Variants in FARP2 observed in about 807,000 individuals in gnomAD.
The protein encoded by FARP2 is FERM, ARH/RhoGEF and pleckstrin domain protein 2, also known as FERM, ARHGEF and pleckstrin domain-containing protein 2.
In FARP2, 111 loss-of-function variants were observed where a neutral mutation model predicts 130.5. The ratio of observed to expected loss-of-function variants is 0.85; its 90% CI spans 0.73 to 1.00. The LOEUF (loss-of-function observed/expected upper bound fraction) is 1.00, where lower values mean the gene tolerates loss of function less well. Ranked by LOEUF, FARP2 falls within the 50% of genes least tolerant of loss-of-function variation. FARP2 has a pLI of 0.00. For missense variants in FARP2, 1,385 were observed against 1,346.3 expected (o/e 1.03, Z -0.45); for synonymous variants, 504 against 516.9 (o/e 0.98, Z 0.34).
intron 21 of FARP2, among the ~76,000 whole-genome samples, chr2:241,485,532 T>C (rs1477521944): frequency 6.6e-6 from 1 of 150,996 alleles, no homozygotes; most frequent in Non-Finnish European, 1.5e-5. Flanking sequence ...CTCCCCTTCC[T>C]GGGATCTTCC....
At chr2:241,458,372 T>C (rs1559791259) in intron 14 of FARP2, among the ~76,000 whole-genome samples, 1 of 152,134 alleles carries the variant, frequency 6.6e-6, no homozygotes, top group Non-Finnish European at 1.5e-5. Context: ...CCAGAGGATA[T>C]TCTGTCCAAG....
chr2:241,441,908 C>T (rs1175039654), intron 13 of FARP2: 1 of 386,412 alleles, frequency 2.6e-6, no homozygotes, highest in African/African-American at 2.1e-5. Flanking sequence ...TCTCAGGCCT[C>T]TGCCCAGCCT....
intron 1 of FARP2, chr2:241,372,512 G>T (rs536914986): frequency 1.3e-5 from 2 of 152,332 alleles, no homozygotes; most frequent in African/African-American, 4.8e-5. Context: ...TTCCTCAGCT[G>T]GAGTAGCCCT....
chr2:241,474,844 A>G (rs2124851901), intron 18 of FARP2, among the ~76,000 whole-genome samples: 1 of 139,888 alleles, frequency 7.1e-6, no homozygotes, highest in Non-Finnish European at 1.6e-5. Flanking sequence ...AATAAAAAGA[A>G]AGAAGGGGGA....
At chr2:241,489,715 T>C (rs1013149391) in intron 21 of FARP2, 1 of 353,518 alleles carries the variant, frequency 2.8e-6, no homozygotes, top group Non-Finnish European at 5.1e-6. Flanking sequence ...TTTCAGCTAA[T>C]AGTGCTGGAC....
At chr2:241,486,442 A>ACACT (rs1211995161) in intron 21 of FARP2, among the ~76,000 whole-genome samples, 2 of 124,692 alleles carry the variant, frequency 1.6e-5, no homozygotes, top group East Asian at 5.4e-4. Flanking sequence ...AGCCCCAGTG[A>ACACT]CAGAGTGAGA....
At chr2:241,487,765 T>TTTTTTC (rs2064792947) in intron 21 of FARP2, among the ~76,000 whole-genome samples, 2 of 138,372 alleles carry the variant, frequency 1.4e-5, no homozygotes, top group Non-Finnish European at 3.1e-5. Context: ...TTTTTTTTTT[T>TTTTTTC]TTGAGATGGA....
At chr2:241,489,785 C>T (rs769978219) in intron 21 of FARP2, 177 bp from the exon 22 acceptor site, 26 of 550,004 alleles carry the variant, frequency 4.7e-5, no homozygotes, top group Non-Finnish European at 7.8e-5. Context: ...GTGCAGCTGC[C>T]ATGGCGCAGG....
intron 1 of FARP2, among the ~76,000 whole-genome samples, chr2:241,372,040 A>G (rs1575463469): frequency 6.6e-6 from 1 of 152,168 alleles, no homozygotes; most frequent in East Asian, 1.9e-4. Context: ...TATATACCCA[A>G]TTTGAATGGA....
intron 1 of FARP2, among the ~76,000 whole-genome samples, chr2:241,361,103 T>C (rs1171600376): frequency 6.6e-6 from 1 of 151,926 alleles, no homozygotes; most frequent in African/African-American, 2.4e-5. Flanking sequence ...GTAACTGATC[T>C]ATTCGCTTAT....
chr2:241,394,276 T>G (rs905400049), intron 2 of FARP2, among the ~76,000 whole-genome samples: 1 of 152,174 alleles, frequency 6.6e-6, no homozygotes, highest in African/African-American at 2.4e-5. Context: ...CCCAGCACTT[T>G]GGGAGGCCGA....
intron 19 of FARP2, among the ~76,000 whole-genome samples, chr2:241,483,197 G>C (rs543681978): frequency 3.3e-5 from 5 of 152,260 alleles, no homozygotes; most frequent in Non-Finnish European, 5.9e-5. Context: ...CCTCTTGGTT[G>C]TATCAGGGCT....
intron 21 of FARP2, among the ~76,000 whole-genome samples, chr2:241,485,018 G>A (rs1461248512): frequency 6.6e-6 from 1 of 152,086 alleles, no homozygotes; most frequent in South Asian, 2.1e-4. Flanking sequence ...CCAAGGACAG[G>A]GGCTCTAATC....
In FARP2 at chr2:241,456,828, T is replaced by C. The variant is rs1228457044; in HGVS notation, c.1493T>C (p.Leu498Ser). ...CTGAGCCCTGCATTTCAGGTGCCTT[T>C]GGGCCCAGCTGAACAGGGCTCATCC... ...LSLSPAFQVP[L>S]GPAEQGSSPL... The change falls in exon 14 of 27, where the codon TTG (leucine) becomes TCG (serine). Residue 498 changes from leucine to serine, a missense_variant. Physicochemically the swap from Leu to Ser is moderately radical, Grantham distance 145 (BLOSUM62 -2). Coordinates refer to ENST00000264042, the MANE Select transcript of FARP2 (RefSeq NM_014808.4). 12 of 1,613,934 alleles carry C rather than the reference T, an allele frequency of 7.4e-6. No individual in the cohort carries two copies. The East Asian group carries it at 2.5e-4, about 33-fold the overall frequency.
chr2:241,365,628 A>G (rs980430176), intron 1 of FARP2, among the ~76,000 whole-genome samples: 3 of 152,172 alleles, frequency 2.0e-5, no homozygotes, highest in African/African-American at 7.2e-5. Flanking sequence ...CCAAAGAGAC[A>G]AGGTCATTTC....
At chr2:241,458,245 G>C (rs542981542) in intron 14 of FARP2, among the ~76,000 whole-genome samples, 42 of 152,168 alleles carry the variant, frequency 2.8e-4, no homozygotes, top group Non-Finnish European at 5.6e-4. Flanking sequence ...TGGGGTCCCT[G>C]AGTGGCAGCT....
Position 241,494,098 on chromosome 2 carries a change from G to A in FARP2, c.3138G>A (p.Glu1046=), listed in dbSNP as rs144436834. 338 of 1,475,322 alleles carry A rather than the reference G, an allele frequency of 2.3e-4. 1 individual carries two copies. The highest frequency in any genetic ancestry group is 1.8e-3 in the Middle Eastern group (10 of 5,648). 91.4% of individuals were successfully genotyped at this position (1,475,322 alleles called of 1,614,324 possible). A position where few individuals can be genotyped will look rare whatever the true frequency, so the allele number is the denominator to read the frequency against. Residue 1046 remains glutamate (E), a synonymous_variant, in exon 27 of 27, where the codon GAG becomes GAA. Transcript: ENST00000264042. This position sits in a 1 kb window ranked among gnomAD's most constrained non-coding sequence, Gnocchi z 4.9. ...QDGPQPSSGL[E]GMVRGKEE ...GCCCCCAACCCTCCTCAGGGCTGGA[G>A]GGGATGGTCAGGGGGAAGGAGGAAT...
At chr2:241,360,702 G>T (rs868520068) in intron 1 of FARP2, among the ~76,000 whole-genome samples, 14 of 150,292 alleles carry the variant, frequency 9.3e-5, no homozygotes, top group Non-Finnish European at 1.8e-4. Context: ...TGAATATTTA[G>T]AATGAGAACG....
At chr2:241,416,262 C>T (rs1214373934) in intron 7 of FARP2, among the ~76,000 whole-genome samples, 3 of 151,990 alleles carry the variant, frequency 2.0e-5, no homozygotes, top group East Asian at 1.9e-4. Context: ...CCGCTAAAAA[C>T]CCTAGAAAGC....
Sources: allele counts gnomAD v4.1 joint callset (sites outside exome capture counted in the v4.1 genomes callset), GRCh38; gene constraint gnomAD v4.1.1; non-coding constraint Gnocchi (gnomAD v3.1); transcripts MANE v1.5; gene names NCBI Gene and HGNC (gene_info 2026-07-23, HGNC 2026-07-21).